Variants in MRPL15 observed in about 807,000 individuals in gnomAD.
The protein encoded by MRPL15 is mitochondrial ribosomal protein L15.
MRPL15 carries 24 observed loss-of-function variants against 28.0 expected under a neutral mutation model. The ratio of observed to expected loss-of-function variants is 0.86; its 90% confidence interval spans 0.62 to 1.21. The LOEUF is 1.21. Ranked by LOEUF, MRPL15 falls within the 50% of genes most tolerant of loss-of-function variation. The pLI is 0.00. For missense variants in MRPL15, 343 were observed against 372.4 expected (o/e 0.92, Z 0.65); for synonymous variants, 124 against 137.0 (o/e 0.90, Z 0.66).
intron 3 of MRPL15, among the ~76,000 whole-genome samples, chr8:54,142,077 G>C (rs1810936182): frequency 6.6e-6 from 1 of 152,140 alleles, no homozygotes; most frequent in Non-Finnish European, 1.5e-5. Flanking sequence ...TCAAACTCCT[G>C]ACCTCAGGTG....
rs573926321 is a variant in MRPL15 at position 54,137,532 on chromosome 8, C to A, written c.429+99C>A. 1.2e-5 allele frequency: 14 copies of A among 1,124,094 alleles called. No individual in the cohort carries two copies. The South Asian group carries it at 2.3e-4, about 18-fold the overall frequency. The allele number at this position is 1,124,094 out of a possible 1,614,324, so 69.6% of individuals were successfully genotyped here. A position where few individuals can be genotyped will look rare whatever the true frequency, so the allele number is the denominator to read the frequency against. ...GAGCTGGAGTACAGTGGCGCAATCT[C>A]GGCTCCTGCAACCTCCACCTCACAA... On this transcript the variant is annotated intron_variant, in intron 3 of 4. Coordinates refer to ENST00000260102, the MANE Select transcript of MRPL15 (RefSeq NM_014175.4).
At chr8:54,138,492 T>A (rs963101842) in intron 3 of MRPL15, among the ~76,000 whole-genome samples, 26 of 151,318 alleles carry the variant, frequency 1.7e-4, no homozygotes, top group African/African-American at 6.3e-4. Context: ...TAATTTTTTT[T>A]ATTTTTAGTA....
intron 3 of MRPL15, among the ~76,000 whole-genome samples, chr8:54,138,934 C>A (rs1350976112): frequency 6.6e-6 from 1 of 152,058 alleles, no homozygotes; most frequent in Non-Finnish European, 1.5e-5. Flanking sequence ...TCAAGTGATT[C>A]TTCTGCCTTA....
intron 3 of MRPL15, among the ~76,000 whole-genome samples, chr8:54,141,265 GAAGTCGGTATTTCCGTCTATGA>G (rs934125638): frequency 6.6e-6 from 1 of 152,306 alleles, no homozygotes; most frequent in South Asian, 2.1e-4. Context: ...TTCCATCTAT[GAAGTCGGTATTTCCGTCTATGA>G]AAGTCGGTAT....
intron 3 of MRPL15, among the ~76,000 whole-genome samples, chr8:54,138,251 G>A (rs1319940953): frequency 2.0e-5 from 3 of 147,470 alleles, no homozygotes. Flanking sequence ...ACCGCCCACG[G>A]CGCCCCCTTC....
Position 54,142,671 on chromosome 8 carries a change from C to T in MRPL15, c.438C>T (p.Asp146=). 6.2e-7 allele frequency: 1 copy of T among 1,613,464 alleles called. No individual in the cohort carries two copies. Among genetic ancestry groups the T allele is most frequent in the Non-Finnish European group, 8.5e-7 (1 of 1,179,860 alleles). The change falls in exon 4 of 5, where the codon GAC becomes GAT. Residue 146 remains aspartate, a synonymous_variant. Coordinates refer to ENST00000260102, the MANE Select transcript of MRPL15 (RefSeq NM_014175.4). ...YGVQLVEEGA[D]TFTAKVNIEV... is the part of the protein sequence containing the mutation. ...GTTTTGACATATTTCAGGGTGCTGA[C>T]ACCTTTACGGCAAAAGTTAATATTG...
intron 1 of MRPL15, among the ~76,000 whole-genome samples, chr8:54,135,643 G>A (rs913091006): frequency 7.1e-6 from 1 of 140,276 alleles, no homozygotes; most frequent in Non-Finnish European, 1.5e-5. Context: ...TCCTGCCTCA[G>A]CCTCCCGATT....
intron 4 of MRPL15, among the ~76,000 whole-genome samples, chr8:54,143,801 C>A (rs927840589): frequency 5.9e-5 from 9 of 152,200 alleles, no homozygotes; most frequent in African/African-American, 1.9e-4. Flanking sequence ...CCGGGTTTGG[C>A]CTTCCTCCAT....
chr8:54,136,575 A>G lies in MRPL15; in HGVS notation c.173A>G (p.Gln58Arg). 6.2e-7 allele frequency: 1 copy of G among 1,614,220 alleles called. No individual in the cohort carries two copies. Among genetic ancestry groups the G allele is most frequent in the Non-Finnish European group, 8.5e-7 (1 of 1,180,022 alleles). The change falls in exon 2 of 5, where the codon CAA (glutamine) becomes CGA (arginine). Residue 58 changes from glutamine to arginine, a missense_variant. Coordinates refer to ENST00000260102, the MANE Select transcript of MRPL15 (RefSeq NM_014175.4). ...GGCAGAGGCCATAAAGGAGAAAGGC[A>G]AAGAGGAACCCGGCCCCGCTTGGGC... ...KCGRGHKGER[Q>R]RGTRPRLGFE...
intron 4 of MRPL15, 61 bp from the exon 5 acceptor site, chr8:54,147,317 CATCT>C: frequency 8.5e-7 from 1 of 1,173,650 alleles, no homozygotes; most frequent in African/African-American, 1.5e-5. Flanking sequence ...GTTAGAGTTA[CATCT>C]CTAGGTATGT....
chr8:54,142,941 G>A, intron 4 of MRPL15, 155 bp downstream of exon 4: 1 of 1,129,622 alleles, frequency 8.9e-7, no homozygotes, highest in Non-Finnish European at 1.2e-6. Flanking sequence ...AAAGAATACA[G>A]CCTGTTGCTG....
At chr8:54,142,114 G>A (rs558032796) in intron 3 of MRPL15, among the ~76,000 whole-genome samples, 1 of 152,024 alleles carries the variant, frequency 6.6e-6, no homozygotes, top group African/African-American at 2.4e-5. Flanking sequence ...CTCCCAAAGT[G>A]CTGGGATTAC....
At position 54,148,023 on chromosome 8, in the gene MRPL15, G is replaced by A. The variant is rs1811075029; in HGVS notation, c.*304G>A. ...TCAGTGATCTTTTCATCCAGGCCTT[G>A]TTACTGTTACAGATCAGAATGAAAT... On this transcript the variant is annotated 3_prime_UTR_variant, in exon 5 of 5. Coordinates refer to ENST00000260102, the MANE Select transcript of MRPL15 (RefSeq NM_014175.4). 3.7e-6 allele frequency: 1 copy of A among 267,762 alleles called. No individual in the cohort carries two copies. The highest frequency in any genetic ancestry group is 2.2e-5 in the African/African-American group (1 of 45,898). The allele number at this position is 267,762 out of a possible 1,614,324, so 16.6% of individuals were successfully genotyped here.
chr8:54,139,910 A>C (rs1810890105), intron 3 of MRPL15, among the ~76,000 whole-genome samples: 1 of 152,222 alleles, frequency 6.6e-6, no homozygotes, highest in Admixed American at 6.5e-5. Flanking sequence ...CAAACTATGG[A>C]TTGCTTAAAA....
chr8:54,137,338 C>G lies in MRPL15; in HGVS notation c.334C>G (p.Pro112Ala), dbSNP rs1369347379. Residue 112 changes from proline (P) to alanine (A), a missense_variant, in exon 3 of 5, where the codon CCT (proline) becomes GCT (alanine). By Grantham distance (27) the Pro-to-Ala change is conservative. Transcript: ENST00000260102. ...TCTTATTGATTTGGGTCGTGTTGAT[C>G]CTAGTCAACCTATTGACTTAACCCA... ...QYLIDLGRVD[P>A]SQPIDLTQLV... 6.8e-6 allele frequency: 11 copies of G among 1,613,832 alleles called. No homozygotes were observed. Among genetic ancestry groups the G allele is most frequent in the Middle Eastern group, 1.7e-4 (1 of 6,026 alleles).
At chr8:54,142,176 C>T (rs932394276) in intron 3 of MRPL15, among the ~76,000 whole-genome samples, 2 of 148,680 alleles carry the variant, frequency 1.3e-5, no homozygotes, top group Non-Finnish European at 3.0e-5. Context: ...TTATTTGAGA[C>T]GGAGTTTCAC....
intron 4 of MRPL15, among the ~76,000 whole-genome samples, chr8:54,143,901 T>C (rs1810973601): frequency 6.6e-6 from 1 of 152,256 alleles, no homozygotes; most frequent in African/African-American, 2.4e-5. Context: ...TTCATGGCTT[T>C]GGGCCCCACT....
chr8:54,143,972 T>A (rs547333494), intron 4 of MRPL15, among the ~76,000 whole-genome samples: 10 of 152,374 alleles, frequency 6.6e-5, no homozygotes, highest in African/African-American at 2.4e-4. Context: ...AGAGCATATG[T>A]ACACACATGC....
intron 4 of MRPL15, among the ~76,000 whole-genome samples, chr8:54,143,921 C>T (rs1255030221): frequency 6.6e-6 from 1 of 152,164 alleles, no homozygotes; most frequent in Non-Finnish European, 1.5e-5. Context: ...TGTTCCAGGT[C>T]TCTGCTTATT....
Sources: allele counts gnomAD v4.1 joint callset (sites outside exome capture counted in the v4.1 genomes callset), GRCh38; gene constraint gnomAD v4.1.1; transcripts MANE v1.5; gene names NCBI Gene and HGNC (gene_info 2026-07-23, HGNC 2026-07-21).